The following CCDC197 variants were observed in gnomAD, a reference collection of about 807,000 sequenced individuals.
The protein encoded by CCDC197 is uncharacterized protein CCDC197.
A neutral mutation model predicts 13.4 loss-of-function variants in CCDC197; 24 were observed. That is an observed-to-expected ratio of 1.80 (90% CI 1.30 to 2.53). The LOEUF (loss-of-function observed/expected upper bound fraction) is 2.53. Ranked by LOEUF, CCDC197 falls within the 30% of genes most tolerant of loss-of-function variation. CCDC197 has a pLI of 0.00. For missense variants in CCDC197, 255 were observed against 148.8 expected (o/e 1.71, Z -3.71); for synonymous variants, 99 against 55.5 (o/e 1.78, Z -3.48).
downstream of CCDC197, among the ~76,000 whole-genome samples, chr14:94,011,386 T>TG (rs1890805267): frequency 1.3e-5 from 2 of 152,348 alleles, no homozygotes; most frequent in African/African-American, 4.8e-5. Context: ...TTGCTTGGCG[T>TG]GGCAATGGCC....
chr14:94,008,556 C>A, intron 6 of CCDC197, 53 bp from the exon 7 acceptor site: 2 of 683,896 alleles, frequency 2.9e-6, no homozygotes, highest in South Asian at 1.5e-5. Flanking sequence ...ACCTAGAAAG[C>A]AGCGTCCAGA....
chr14:93,989,180 T>C (rs1428179400), intron 1 of CCDC197, among the ~76,000 whole-genome samples: 1 of 152,054 alleles, frequency 6.6e-6, no homozygotes, highest in Non-Finnish European at 1.5e-5. Flanking sequence ...ACTGAGATGC[T>C]TGACAGCTGC....
At chr14:93,995,848 C>T (rs1299939351), upstream of CCDC197, among the ~76,000 whole-genome samples, 2 of 152,130 alleles carry the variant, frequency 1.3e-5, no homozygotes, top group Non-Finnish European at 2.9e-5. Context: ...CCAGAGTAGC[C>T]CGGACAGTCT....
intron 5 of CCDC197, among the ~76,000 whole-genome samples, chr14:94,004,307 C>A (rs1433516357): frequency 1.3e-5 from 2 of 152,330 alleles, no homozygotes; most frequent in South Asian, 2.1e-4. Flanking sequence ...GCTGGGCACA[C>A]CTTCCCTGCA....
chr14:93,999,223 C>T lies in CCDC197; in HGVS notation c.105-360C>T, dbSNP rs567160421. Reference sequence around the variant, plus strand: ...CAGAGAGGTGAAGCAGCTGGCCCCACGTCACCAGCTAATAGGGGCCGGCCT... The same window carrying T: ...CAGAGAGGTGAAGCAGCTGGCCCCATGTCACCAGCTAATAGGGGCCGGCCT... On this transcript the variant is annotated intron_variant, in intron 2 of 6. Transcript: ENST00000636493. The T allele has an allele frequency of 1.8e-4, 36 of 201,348 alleles. No homozygotes were observed. In the South Asian group the frequency reaches 2.6e-3, roughly 15 times the overall value. The allele number at this position is 201,348 out of a possible 1,614,324, so 12.5% of individuals were successfully genotyped here. A position where few individuals can be genotyped will look rare whatever the true frequency, so the allele number is the denominator to read the frequency against.
At chr14:93,994,339 T>A (rs11848552), upstream of CCDC197, among the ~76,000 whole-genome samples, 64,870 of 152,096 alleles carry the variant, frequency 0.43, 14,153 homozygotes, top group African/African-American at 0.5. Flanking sequence ...GTATTAACTG[T>A]GTACCCTTGG....
chr14:94,006,672 A>G (rs957788253), intron 6 of CCDC197, among the ~76,000 whole-genome samples: 1 of 150,778 alleles, frequency 6.6e-6, no homozygotes, highest in South Asian at 2.1e-4. Flanking sequence ...GTCTTTTTTT[A>G]GTTGAGTTGT....
chr14:93,989,021 A>T (rs1268300794), intron 1 of CCDC197, among the ~76,000 whole-genome samples: 3 of 152,008 alleles, frequency 2.0e-5, no homozygotes, highest in African/African-American at 7.3e-5. Flanking sequence ...CTGCAGATCC[A>T]TGAGATCCTG....
chr14:94,007,770 G>A (rs1449937472), intron 6 of CCDC197, among the ~76,000 whole-genome samples: 1 of 152,148 alleles, frequency 6.6e-6, no homozygotes, highest in East Asian at 1.9e-4. Flanking sequence ...TACCTCATTT[G>A]AGGCAGGTTC....
Position 94,008,663 on chromosome 14 carries a change from C to G in CCDC197, c.670C>G (p.Pro224Ala). 1.4e-6 allele frequency: 1 copy of G among 703,022 alleles called. No homozygotes were observed. Among genetic ancestry groups the G allele is most frequent in the South Asian group, 1.5e-5 (1 of 67,598 alleles). The allele number at this position is 703,022 out of a possible 1,614,324, so 43.5% of individuals were successfully genotyped here. The stretch of plus-strand genomic sequence containing the variant: ...AAGACTGATCGCACTGCTCACGGAA[C>G]CCAAAGTGTGCTGGTCATGGGACAG... ...TVRLIALLTE[P>A]KVCWSWDSFG... The change falls in exon 7 of 7, where the codon CCC becomes GCC. Residue 224 changes from proline (P) to alanine (A), a missense_variant. By Grantham distance (27) the Pro-to-Ala change is conservative. Coordinates refer to ENST00000636493, the MANE Select transcript of CCDC197 (RefSeq NM_001351596.2).
At chr14:93,992,835 T>C (rs1389553352), upstream of CCDC197, among the ~76,000 whole-genome samples, 1 of 151,962 alleles carries the variant, frequency 6.6e-6, no homozygotes, top group African/African-American at 2.4e-5. Flanking sequence ...AGGATGAGGG[T>C]AGGGGCACAG....
chr14:94,001,479 A>G (rs1455180971), intron 4 of CCDC197, 156 bp downstream of exon 4: 1 of 551,492 alleles, frequency 1.8e-6, no homozygotes, highest in Non-Finnish European at 3.2e-6. Context: ...GCCGCCTTCC[A>G]TATCCCCTTC....
Position 94,004,870 on chromosome 14 carries a change from T to C in CCDC197, c.514T>C (p.Tyr172His), listed in dbSNP as rs1456051153. The C allele has an allele frequency of 1.4e-6, 1 of 703,026 alleles. No homozygotes were observed. Among genetic ancestry groups the C allele is most frequent in the Non-Finnish European group, 2.6e-6 (1 of 384,990 alleles). The allele number at this position is 703,026 out of a possible 1,614,324, so 43.5% of individuals were successfully genotyped here. A position where few individuals can be genotyped will look rare whatever the true frequency, so the allele number is the denominator to read the frequency against. Residue 172 changes from tyrosine (Y) to histidine (H), a missense_variant, in exon 6 of 7, where the codon TAC (tyrosine) becomes CAC (histidine). Coordinates refer to ENST00000636493, the MANE Select transcript of CCDC197 (RefSeq NM_001351596.2). ...SSSYNDQLLG[Y>H]MQMTITNMAR... is the part of the protein sequence containing the mutation. ...TTTCCTGCAGGATCAGCTGCTCGGC[T>C]ACATGCAAATGACCATCACCAACAT...
At chr14:94,002,456 T>C (rs1890550090) in intron 4 of CCDC197, among the ~76,000 whole-genome samples, 1 of 152,066 alleles carries the variant, frequency 6.6e-6, no homozygotes, top group South Asian at 2.1e-4. Context: ...ACCTGGCCTG[T>C]TCTGTATCTT....
In CCDC197 at chr14:94,003,116, T is replaced by C. The variant is rs1890576441; in HGVS notation, c.367-107T>C. On this transcript the variant is annotated intron_variant, in intron 4 of 6. Coordinates refer to ENST00000636493, the MANE Select transcript of CCDC197 (RefSeq NM_001351596.2). This position sits in a 1 kb window ranked among gnomAD's most constrained non-coding sequence, Gnocchi z 5.0. ...GAATGGCCCCAGCCACCCACAAGTA[T>C]TCCTTCCTCCTATCCTGTCATTGCA... 1 of 648,820 alleles carries C rather than the reference T, an allele frequency of 1.5e-6. No homozygotes were observed. The highest frequency in any genetic ancestry group is 2.8e-6 in the Non-Finnish European group (1 of 356,486). 40.2% of individuals were successfully genotyped at this position (648,820 alleles called of 1,614,324 possible).
At chr14:93,996,511 C>T (rs1020086841), upstream of CCDC197, among the ~76,000 whole-genome samples, 1 of 152,104 alleles carries the variant, frequency 6.6e-6, no homozygotes, top group African/African-American at 2.4e-5. Context: ...CCAGCCCTTG[C>T]TCTGCCCCTG....
At chr14:93,992,651 C>T (rs902133212), upstream of CCDC197, among the ~76,000 whole-genome samples, 4 of 152,176 alleles carry the variant, frequency 2.6e-5, no homozygotes, top group Non-Finnish European at 5.9e-5. Flanking sequence ...TCATAGACAC[C>T]GGAAGGCCCA....
intron 1 of CCDC197, among the ~76,000 whole-genome samples, chr14:93,990,922 G>T (rs1890199827): frequency 6.6e-6 from 1 of 152,172 alleles, no homozygotes; most frequent in Non-Finnish European, 1.5e-5. Flanking sequence ...AGGTAATATT[G>T]CTAATCTCAT....
At chr14:94,006,356 ATT>A (rs34620720) in intron 6 of CCDC197, among the ~76,000 whole-genome samples, 140 of 142,630 alleles carry the variant, frequency 9.8e-4, no homozygotes, top group African/African-American at 2.5e-3. Flanking sequence ...GATTATTTGT[ATT>A]TTTTTTTTTT....
Sources: allele counts gnomAD v4.1 joint callset (sites outside exome capture counted in the v4.1 genomes callset), GRCh38; gene constraint gnomAD v4.1.1; non-coding constraint Gnocchi (gnomAD v3.1); transcripts MANE v1.5; gene names NCBI Gene and HGNC (gene_info 2026-07-23, HGNC 2026-07-21).